TBL1X: variants seen among roughly 807,000 people sequenced by gnomAD.
TBL1X encodes the protein transducin beta like 1 X-linked.
Under a neutral mutation model 50.7 loss-of-function variants are expected in TBL1X, and 10 were observed. The ratio of observed to expected loss-of-function variants is 0.20; its 90% CI spans 0.12 to 0.33. The LOEUF (loss-of-function observed/expected upper bound fraction) is 0.33. TBL1X is among the 10% of genes least tolerant of loss of function. TBL1X has a pLI of 1.00. For synonymous variants in TBL1X, 190 were observed against 214.7 expected, an observed-to-expected ratio of 0.88 and a Z score of 1.01; for missense variants, 340 against 504.4, an observed-to-expected ratio of 0.67 and a Z score of 3.12.
Position 9,644,514 on chromosome X carries a change from T to A in TBL1X, c.-43+4154T>A, listed in dbSNP as rs141948454. On this transcript the variant is annotated intron_variant, in intron 3 of 17. Transcript: ENST00000645353. ...TGGAGCATTTTCAAGAGGGCTTCCT[T>A]CCTGTCACCATAGCATCTGCCGTTG... 2.0e-3 allele frequency among the ~76,000 whole-genome samples: 227 copies of A among 111,924 alleles called. 1 individual carries two copies. Among genetic ancestry groups the A allele is most frequent in the African/African-American group, 6.7e-3 (205 of 30,763 alleles).
At chrX:9,625,922 G>A (rs61329684) in intron 2 of TBL1X, among the ~76,000 whole-genome samples, 4,092 of 111,960 alleles carry the variant, frequency 0.037, 202 homozygotes, top group African/African-American at 0.13. Flanking sequence ...CAGCCTGGGC[G>A]GTTACCCTTT....
intron 16 of TBL1X, among the ~76,000 whole-genome samples, chrX:9,713,421 C>CTTTTTTTTTTTTTTTTTTTTTTTTTTTT (rs757107084): frequency 1.1e-5 from 1 of 87,570 alleles, no homozygotes; most frequent in Non-Finnish European, 2.1e-5. Context: ...ATCCTTAGGA[C>CTTTTTTTTTTTTTTTTTTTTTTTTTTTT]TTTTCTTTTT....
At position 9,711,793 on chromosome X, in the gene TBL1X, T is replaced by C; in HGVS notation, c.1605+17T>C. The C allele has an allele frequency of 8.5e-7, 1 of 1,175,016 alleles. No individual in the cohort carries two copies. The highest frequency in any genetic ancestry group is 1.1e-6 in the Non-Finnish European group (1 of 874,853). Reference sequence around the variant, plus strand: ...AATACTCAGGTAAGCTCCCGACCCCTACACCAAATCCTTTTAGTAAGGGAT... The same window carrying C: ...AATACTCAGGTAAGCTCCCGACCCCCACACCAAATCCTTTTAGTAAGGGAT... On this transcript the variant is annotated intron_variant, in intron 16 of 17. Transcript: ENST00000645353.
At chrX:9,472,721 A>G (rs769435678) in intron 1 of TBL1X, among the ~76,000 whole-genome samples, 11 of 110,078 alleles carry the variant, frequency 1.0e-4, no homozygotes, top group South Asian at 7.7e-4. Context: ...AGACCATTCT[A>G]GCTAACACGG....
At chrX:9,592,697 C>A (rs1373304155) in intron 2 of TBL1X, among the ~76,000 whole-genome samples, 1 of 112,050 alleles carries the variant, frequency 8.9e-6, no homozygotes, top group African/African-American at 3.3e-5. Flanking sequence ...ATTCTAGGTA[C>A]CCCATAGAAG....
chrX:9,475,567 T>C (rs980268678), intron 1 of TBL1X, among the ~76,000 whole-genome samples: 2 of 110,311 alleles, frequency 1.8e-5, no homozygotes, highest in African/African-American at 6.6e-5. Flanking sequence ...TTTTTTTTTT[T>C]CTGAGTTGCT....
intron 2 of TBL1X, among the ~76,000 whole-genome samples, chrX:9,586,848 T>C (rs2082472582): frequency 8.9e-6 from 1 of 111,853 alleles, no homozygotes; most frequent in African/African-American, 3.2e-5. Flanking sequence ...TGCAGTGAGC[T>C]ATGATCACAC....
intron 2 of TBL1X, among the ~76,000 whole-genome samples, chrX:9,629,900 C>A (rs1371255375): frequency 9.0e-6 from 1 of 110,720 alleles, no homozygotes; most frequent in Non-Finnish European, 1.9e-5. Context: ...GGACGGGGCT[C>A]AGTGGGGAGC....
intron 14 of TBL1X, 113 bp downstream of exon 14, chrX:9,709,435 C>G: frequency 1.0e-6 from 1 of 976,890 alleles, no homozygotes; most frequent in Middle Eastern, 2.6e-4. Context: ...ACCACCCTCC[C>G]TTCCTCTGTC....
At chrX:9,490,255 G>A (rs926888045) in intron 1 of TBL1X, among the ~76,000 whole-genome samples, 1 of 112,135 alleles carries the variant, frequency 8.9e-6, no homozygotes, top group African/African-American at 3.2e-5. Context: ...ACAGGTGTGA[G>A]CCACTGCACC....
At chrX:9,708,279 C>A (rs1269885029) in intron 13 of TBL1X, among the ~76,000 whole-genome samples, 1 of 112,075 alleles carries the variant, frequency 8.9e-6, no homozygotes, top group Non-Finnish European at 1.9e-5. Flanking sequence ...CCTCGTGGTC[C>A]CCAGGTGTCC....
At chrX:9,521,458 C>T (rs1016126311) in intron 2 of TBL1X, among the ~76,000 whole-genome samples, 11 of 111,598 alleles carry the variant, frequency 9.9e-5, no homozygotes, top group African/African-American at 3.3e-4. Context: ...CCCATGACCC[C>T]TGCGTAGAAT....
In TBL1X at chrX:9,716,448, A is replaced by C. The variant is rs2146666554; in HGVS notation, c.*202A>C. The C allele has an allele frequency of 7.5e-6, 3 of 398,355 alleles. No individual in the cohort carries two copies. Among genetic ancestry groups the C allele is most frequent in the Middle Eastern group, 1.4e-3 (2 of 1,418 alleles). 32.8% of individuals were successfully genotyped at this position (398,355 alleles called of 1,213,427 possible). A position where few individuals can be genotyped will look rare whatever the true frequency, so the allele number is the denominator to read the frequency against. On this transcript the variant is annotated 3_prime_UTR_variant, in exon 18 of 18. Transcript: ENST00000645353. ...TTAAAAGGCAAGCAAAAACAGAAGC[A>C]AATCATATCAAACGGGGATAGAATG...
chrX:9,519,832 C>T (rs748480136), intron 2 of TBL1X, among the ~76,000 whole-genome samples: 34 of 112,152 alleles, frequency 3.0e-4, no homozygotes, highest in Non-Finnish European at 5.4e-4. Flanking sequence ...AATTCAAAAA[C>T]GGCAGTGACA....
intron 16 of TBL1X, 43 bp downstream of exon 16, chrX:9,711,819 G>T: frequency 8.8e-7 from 1 of 1,140,679 alleles, no homozygotes; most frequent in Non-Finnish European, 1.2e-6. Context: ...AGTAAGGGAT[G>T]CCCAAATAGC....
intron 2 of TBL1X, among the ~76,000 whole-genome samples, chrX:9,633,971 A>T (rs966634337): frequency 3.6e-5 from 4 of 111,445 alleles, no homozygotes; most frequent in African/African-American, 1.3e-4. Context: ...ACGTACGTGC[A>T]GCCCAGAGCT....
At chrX:9,517,328 C>T (rs756021031) in intron 2 of TBL1X, among the ~76,000 whole-genome samples, 13 of 111,217 alleles carry the variant, frequency 1.2e-4, no homozygotes, top group African/African-American at 3.3e-4. Context: ...ATTCTCAGTG[C>T]CGTGGTCAGA....
At chrX:9,636,958 C>T (rs1018613603) in intron 2 of TBL1X, 15 of 112,231 alleles carry the variant, frequency 1.3e-4, no homozygotes, top group African/African-American at 4.9e-4. Context: ...AACTCTTCAG[C>T]TCTATGAAAC....
At chrX:9,498,265 CATTTT>C (rs1255594122) in intron 1 of TBL1X, among the ~76,000 whole-genome samples, 1 of 111,412 alleles carries the variant, frequency 9.0e-6, no homozygotes, top group East Asian at 2.8e-4. Context: ...CTCCATTACT[CATTTT>C]ATAAGTCAGA....
Sources: allele counts gnomAD v4.1 joint callset (sites outside exome capture counted in the v4.1 genomes callset), GRCh38; gene constraint gnomAD v4.1.1; transcripts MANE v1.5; gene names NCBI Gene and HGNC (gene_info 2026-07-23, HGNC 2026-07-21).